The following FIG4 variants were observed in gnomAD, a reference collection of about 807,000 sequenced individuals.
FIG4 encodes polyphosphoinositide phosphatase.
Under a neutral mutation model 118.6 loss-of-function variants are expected in FIG4, and 112 were observed. The ratio of observed to expected loss-of-function variants is 0.94; its 90% confidence interval spans 0.81 to 1.11. The LOEUF (loss-of-function observed/expected upper bound fraction) is 1.11, where lower values mean the gene tolerates loss of function less well. FIG4 is among the 50% of genes least tolerant of loss of function. The probability of loss-of-function intolerance (pLI) is 0.00; values close to 1 mark genes in which losing one functional copy is unlikely to be tolerated. For synonymous variants in FIG4, 369 were observed against 381.2 expected, an observed-to-expected ratio of 0.97 and a Z score of 0.37; for missense variants, 969 against 1,111.7, an observed-to-expected ratio of 0.87 and a Z score of 1.83.
chr6:109,795,971 T>A (rs942714495), intron 21 of FIG4, among the ~76,000 whole-genome samples: 1 of 152,156 alleles, frequency 6.6e-6, no homozygotes, highest in Admixed American at 6.5e-5. Flanking sequence ...CAAAACCGTA[T>A]CCTTGAAGGA....
At chr6:109,744,057 TTAGATA>T (rs1174811016) in intron 10 of FIG4, among the ~76,000 whole-genome samples, 2 of 152,230 alleles carry the variant, frequency 1.3e-5, no homozygotes, top group East Asian at 3.9e-4. Context: ...CTTGTGTGAA[TTAGATA>T]TAGGTCAAAT....
chr6:109,709,253 T>C (rs756713793), intron 1 of FIG4, among the ~76,000 whole-genome samples: 10 of 152,222 alleles, frequency 6.6e-5, no homozygotes, highest in African/African-American at 9.6e-5. Context: ...GTAAGGTTTG[T>C]CAAAGACTAG....
rs543205018 is a variant in FIG4, at chr6:109,791,843, C to T, written c.2376+272C>T. 4.9e-4 allele frequency among the ~76,000 whole-genome samples: 75 copies of T among 152,270 alleles called. 1 individual carries two copies. The highest frequency in any genetic ancestry group is 1.7e-3 in the African/African-American group (72 of 41,538). On this transcript the variant is annotated intron_variant, in intron 20 of 22. Coordinates refer to ENST00000230124, the MANE Select transcript of FIG4 (RefSeq NM_014845.6). The stretch of plus-strand genomic sequence containing the variant: ...TCTGGCCCTCTTTGATCAGCCCATC[C>T]GCTTGAGGTCCATTTATTCTCTTAC...
intron 10 of FIG4, among the ~76,000 whole-genome samples, chr6:109,747,559 G>C (rs1406013323): frequency 6.6e-6 from 1 of 152,154 alleles, no homozygotes; most frequent in Non-Finnish European, 1.5e-5. Flanking sequence ...AGTAGACCGA[G>C]TGTGGGATAA....
intron 1 of FIG4, among the ~76,000 whole-genome samples, chr6:109,700,117 A>C (rs907476961): frequency 6.6e-6 from 1 of 152,232 alleles, no homozygotes; most frequent in Admixed American, 6.5e-5. Flanking sequence ...CAACATATGA[A>C]TTTTAAATGT....
Position 109,790,650 on chromosome 6 carries a change from C to A in FIG4, c.2181-726C>A, listed in dbSNP as rs1314811061. Among the ~76,000 whole-genome samples, 3 of 152,140 alleles carry A rather than the reference C, an allele frequency of 2.0e-5. No homozygotes were observed. The East Asian group carries it at 5.8e-4, about 29-fold the overall frequency. ...TTTCAAAATATTATGGTATTTTTAG[C>A]TCCTTATAGAGAATTTTTTAAAGAG... On this transcript the variant is annotated intron_variant, in intron 19 of 22. Transcript: ENST00000230124.
intron 18 of FIG4, among the ~76,000 whole-genome samples, 167 bp from the exon 19 acceptor site, chr6:109,789,427 G>A (rs148932782): frequency 6.6e-6 from 1 of 152,272 alleles, no homozygotes; most frequent in African/African-American, 2.4e-5. Flanking sequence ...AAATTATCTA[G>A]TGCTGTTAAT....
intron 18 of FIG4, 56 bp downstream of exon 18, chr6:109,786,505 T>C (rs1384833407): frequency 1.3e-6 from 2 of 1,585,014 alleles, no homozygotes; most frequent in Non-Finnish European, 1.7e-6. Flanking sequence ...TTTTCCTAGT[T>C]TGTATATATA....
At chr6:109,784,284 G>T (rs1729788109) in intron 16 of FIG4, among the ~76,000 whole-genome samples, 1 of 152,096 alleles carries the variant, frequency 6.6e-6, no homozygotes. Flanking sequence ...GGCCACTTAG[G>T]ATTCTTTCAG....
At chr6:109,763,608 T>G (rs183635930) in intron 12 of FIG4, among the ~76,000 whole-genome samples, 8 of 152,322 alleles carry the variant, frequency 5.3e-5, no homozygotes, top group African/African-American at 1.9e-4. Context: ...TTATTATTCA[T>G]GTGTATAGAG....
At position 109,738,426 on chromosome 6, in the gene FIG4, A is replaced by G; in HGVS notation, c.748A>G (p.Ile250Val). Residue 250 changes from isoleucine (I) to valine (V), a missense_variant, in exon 7 of 23, where the codon ATT becomes GTT. Ile to Val is a conservative substitution (Grantham distance 29, BLOSUM62 3). Transcript: ENST00000230124. The stretch of plus-strand genomic sequence containing the variant: ...TGTGCATCGTGACTGGCTTTTGTAT[A>G]TTATTCATGGGTTCTGTGGGCAGTC... Reference protein sequence around the residue: ...STVHRDWLLYIIHGFCGQSKL... With the variant: ...STVHRDWLLYVIHGFCGQSKL... 6.2e-7 allele frequency: 1 copy of G among 1,612,882 alleles called. No individual in the cohort carries two copies. Among genetic ancestry groups the G allele is most frequent in the Non-Finnish European group, 8.5e-7 (1 of 1,179,132 alleles).
intron 17 of FIG4, 103 bp from the exon 18 acceptor site, chr6:109,786,199 A>C: frequency 9.7e-7 from 1 of 1,028,232 alleles, no homozygotes; most frequent in Non-Finnish European, 1.5e-6. Context: ...TGTATCCCCC[A>C]CAGAGCTTAT....
At chr6:109,789,238 A>T (rs1228457326) in intron 18 of FIG4, among the ~76,000 whole-genome samples, 6 of 152,244 alleles carry the variant, frequency 3.9e-5, no homozygotes, top group Non-Finnish European at 1.5e-5. Context: ...AGAAGTTCAG[A>T]TGTCAACACT....
intron 4 of FIG4, among the ~76,000 whole-genome samples, chr6:109,731,127 G>A (rs894514271): frequency 3.9e-5 from 6 of 152,134 alleles, no homozygotes; most frequent in African/African-American, 2.4e-5. Flanking sequence ...AATTAAAAAG[G>A]TACCATTTTA....
At chr6:109,750,043 A>T (rs1776642433) in intron 10 of FIG4, among the ~76,000 whole-genome samples, 1 of 152,226 alleles carries the variant, frequency 6.6e-6, no homozygotes, top group Admixed American at 6.5e-5. Flanking sequence ...GCCAAAGAAT[A>T]CATGTGTGTA....
At chr6:109,761,998 T>A (rs1402050684) in intron 11 of FIG4, 93 bp from the exon 12 acceptor site, 1 of 761,158 alleles carries the variant, frequency 1.3e-6, no homozygotes, top group Non-Finnish European at 2.4e-6. Flanking sequence ...TCTTTAAGTA[T>A]CATTGCTATA....
intron 6 of FIG4, 112 bp downstream of exon 6, chr6:109,735,410 C>G (rs1776132222): frequency 9.8e-7 from 1 of 1,025,132 alleles, no homozygotes; most frequent in Non-Finnish European, 1.5e-6. Context: ...TGCTGTTTGT[C>G]CTTACGTGGG....
chr6:109,811,839 A>G (rs1297468408), intron 22 of FIG4, among the ~76,000 whole-genome samples: 1 of 152,236 alleles, frequency 6.6e-6, no homozygotes, highest in Non-Finnish European at 1.5e-5. Context: ...GAAAAAGAGC[A>G]GTCTACATGA....
chr6:109,806,622 C>CT lies in FIG4; in HGVS notation c.2546+9784dup, dbSNP rs869037957. 3.0e-3 allele frequency among the ~76,000 whole-genome samples: 423 copies of CT among 142,120 alleles called. 2 individuals carry two copies. The highest frequency in any genetic ancestry group is 4.8e-3 in the Non-Finnish European group (309 of 64,628). 93.2% of individuals were successfully genotyped at this position (142,120 alleles called of 152,430 possible). A position where few individuals can be genotyped will look rare whatever the true frequency, so the allele number is the denominator to read the frequency against. On this transcript the variant is annotated intron_variant, in intron 22 of 22. Transcript: ENST00000230124. Reference sequence around the variant, plus strand: ...GAGGGTCAGTAGTTCATTCAGGTTACTTTTTTTTTTTTTAATTATACTTTT... The same window carrying CT: ...GAGGGTCAGTAGTTCATTCAGGTTACTTTTTTTTTTTTTTAATTATACTTTT...
Sources: allele counts gnomAD v4.1 joint callset (sites outside exome capture counted in the v4.1 genomes callset), GRCh38; gene constraint gnomAD v4.1.1; transcripts MANE v1.5; gene names NCBI Gene and HGNC (gene_info 2026-07-23, HGNC 2026-07-21).